CCDC102B: variants seen among roughly 807,000 people sequenced by gnomAD.
CCDC102B encodes coiled-coil domain containing 102B.
Under a neutral mutation model 57.4 loss-of-function variants are expected in CCDC102B, and 75 were observed. That is an observed-to-expected ratio of 1.31 (90% CI 1.08 to 1.58). The LOEUF is 1.58. Among genes scored for constraint, CCDC102B ranks in the 40% most tolerant of loss-of-function variants. The probability of loss-of-function intolerance (pLI) is 0.00; values close to 1 mark genes in which losing one functional copy is unlikely to be tolerated. For missense variants in CCDC102B, 636 were observed against 582.6 expected, an observed-to-expected ratio of 1.09 and a Z score of -0.94; for synonymous variants, 206 against 201.9, an observed-to-expected ratio of 1.02 and a Z score of -0.17.
chr18:68,969,631 G>A (rs988037293), intron 6 of CCDC102B, among the ~76,000 whole-genome samples: 4 of 151,800 alleles, frequency 2.6e-5, no homozygotes, highest in South Asian at 4.2e-4. Context: ...TATACATAGT[G>A]ATAAAACATA....
intron 6 of CCDC102B, among the ~76,000 whole-genome samples, chr18:68,999,832 C>G (rs899611395): frequency 2.6e-5 from 4 of 152,152 alleles, no homozygotes; most frequent in African/African-American, 9.7e-5. Flanking sequence ...AATAGTGACA[C>G]TTTTGTTCAT....
At chr18:68,954,495 C>G (rs1054725822) in intron 6 of CCDC102B, among the ~76,000 whole-genome samples, 1 of 152,102 alleles carries the variant, frequency 6.6e-6, no homozygotes, top group Non-Finnish European at 1.5e-5. Flanking sequence ...TTTTCTTAAC[C>G]AACTGGATTC....
chr18:68,989,130 T>G (rs1327033813), intron 6 of CCDC102B, among the ~76,000 whole-genome samples: 1 of 152,226 alleles, frequency 6.6e-6, no homozygotes, highest in Non-Finnish European at 1.5e-5. Flanking sequence ...CATCCTATTT[T>G]GTTACTCTGC....
intron 2 of CCDC102B, among the ~76,000 whole-genome samples, chr18:68,774,250 C>T (rs970358668): frequency 1.3e-5 from 2 of 151,474 alleles, no homozygotes; most frequent in African/African-American, 4.8e-5. Context: ...TTTCACTTAA[C>T]AAAACTAGAG....
At chr18:68,911,425 G>A (rs9965252) in intron 6 of CCDC102B, among the ~76,000 whole-genome samples, 7,109 of 152,048 alleles carry the variant, frequency 0.047, 261 homozygotes, top group African/African-American at 0.093. Flanking sequence ...CAGACACGGG[G>A]GTCTACAGGA....
At chr18:68,922,660 C>G (rs1452112169) in intron 6 of CCDC102B, among the ~76,000 whole-genome samples, 1 of 152,074 alleles carries the variant, frequency 6.6e-6, no homozygotes, top group Non-Finnish European at 1.5e-5. Context: ...CCTTCTGAAG[C>G]CTCAGGTGTT....
intron 1 of CCDC102B, among the ~76,000 whole-genome samples, chr18:68,831,751 G>A (rs926700676): frequency 8.6e-5 from 13 of 151,944 alleles, no homozygotes; most frequent in African/African-American, 2.7e-4. Context: ...ATTCCATATG[G>A]CCATTTACTG....
At chr18:69,047,617 C>T (rs191441840) in intron 7 of CCDC102B, among the ~76,000 whole-genome samples, 2 of 152,160 alleles carry the variant, frequency 1.3e-5, no homozygotes, top group Admixed American at 6.6e-5. Flanking sequence ...TTGCAGATGA[C>T]GTGATTCTAT....
chr18:69,015,416 T>C (rs2051638339), intron 7 of CCDC102B, among the ~76,000 whole-genome samples: 1 of 152,196 alleles, frequency 6.6e-6, no homozygotes, highest in Non-Finnish European at 1.5e-5. Flanking sequence ...ACAATCTTAA[T>C]CATGAAAATA....
chr18:68,949,800 A>G (rs2145193018), intron 6 of CCDC102B, among the ~76,000 whole-genome samples: 2 of 152,274 alleles, frequency 1.3e-5, no homozygotes, highest in South Asian at 4.1e-4. Flanking sequence ...AGCTTCTGCT[A>G]GTATTATGTT....
chr18:68,774,160 C>T (rs954245251), intron 2 of CCDC102B, among the ~76,000 whole-genome samples: 6 of 151,710 alleles, frequency 4.0e-5, no homozygotes, highest in African/African-American at 1.5e-4. Context: ...TAGTATCTTT[C>T]AATGGGAAAT....
intron 7 of CCDC102B, among the ~76,000 whole-genome samples, chr18:69,045,556 A>G (rs2052541147): frequency 6.6e-6 from 1 of 152,024 alleles, no homozygotes; most frequent in Admixed American, 6.6e-5. Flanking sequence ...CTGTATTCAA[A>G]CTCCAATGTC....
At chr18:68,980,395 G>GAAA (rs200646247) in intron 6 of CCDC102B, among the ~76,000 whole-genome samples, 1 of 132,496 alleles carries the variant, frequency 7.5e-6, no homozygotes, top group African/African-American at 2.7e-5. Context: ...AGGTCTTGGT[G>GAAA]AAAAAAAAAA....
chr18:68,763,757 CAATA>C (rs2034331986), intron 2 of CCDC102B, among the ~76,000 whole-genome samples: 1 of 138,598 alleles, frequency 7.2e-6, no homozygotes, highest in African/African-American at 3.0e-5. Context: ...AAATATTCCT[CAATA>C]CAGACAAATA....
chr18:68,843,859 A>T (rs1455420712), intron 3 of CCDC102B, among the ~76,000 whole-genome samples: 1 of 152,022 alleles, frequency 6.6e-6, no homozygotes, highest in East Asian at 1.9e-4. Flanking sequence ...TAAAATGATT[A>T]GGCTAGAAAA....
intron 6 of CCDC102B, among the ~76,000 whole-genome samples, chr18:68,953,056 C>A (rs955118820): frequency 6.6e-6 from 1 of 151,948 alleles, no homozygotes; most frequent in African/African-American, 2.4e-5. Context: ...AATGAATAAT[C>A]TAAAATGGCA....
At chr18:68,977,214 G>T (rs1330852876) in intron 6 of CCDC102B, among the ~76,000 whole-genome samples, 1 of 151,960 alleles carries the variant, frequency 6.6e-6, no homozygotes, top group Non-Finnish European at 1.5e-5. Context: ...TAAGTTATCA[G>T]TTTATAGTCT....
At chr18:68,715,227 G>T (rs1031308541), upstream of CCDC102B, 41 of 1,359,644 alleles carry the variant, frequency 3.0e-5, no homozygotes, top group Non-Finnish European at 3.8e-5. Flanking sequence ...AGAATCCTTT[G>T]CGCTCTCGGT....
intron 1 of CCDC102B, among the ~76,000 whole-genome samples, chr18:68,833,389 T>TG (rs1017325914): frequency 6.6e-6 from 1 of 151,630 alleles, no homozygotes; most frequent in Non-Finnish European, 1.5e-5. Context: ...TCCTGTTTTT[T>TG]TTTTTTTTTT....
Sources: gnomAD v4.1 joint callset for allele counts (sites outside exome capture counted in the v4.1 genomes callset) on GRCh38, gnomAD v4.1.1 for gene constraint, MANE v1.5 for transcripts, NCBI Gene and HGNC (gene_info 2026-07-23, HGNC 2026-07-21) for gene names.